AKT3: variants seen among roughly 807,000 people sequenced by gnomAD.
The protein encoded by AKT3 is RAC-gamma serine/threonine-protein kinase.
In AKT3, 15 loss-of-function variants were observed where a neutral mutation model predicts 65.3. The observed-to-expected ratio is 0.23, with a 90% CI of 0.15 to 0.35. The LOEUF (loss-of-function observed/expected upper bound fraction) is 0.35. Among genes scored for constraint, AKT3 ranks in the 10% least tolerant of loss-of-function variants. AKT3 has a pLI of 1.00. For synonymous variants in AKT3, 206 were observed against 183.8 expected (o/e 1.12, Z -0.98); for missense variants, 243 against 576.5 (o/e 0.42, Z 5.92).
intron 2 of AKT3, among the ~76,000 whole-genome samples, chr1:243,804,523 A>AAT (rs1314165621): frequency 6.6e-6 from 1 of 152,208 alleles, no homozygotes; most frequent in Non-Finnish European, 1.5e-5. Context: ...GAGAACACTT[A>AAT]ATATCCACTA....
chr1:243,800,731 AAG>A (rs1491198611), intron 2 of AKT3, among the ~76,000 whole-genome samples: 1 of 152,100 alleles, frequency 6.6e-6, no homozygotes, highest in Admixed American at 6.6e-5. Context: ...AAAAAAAAAA[AAG>A]AGAGATTATG....
chr1:243,682,385 A>G (rs1469472910), intron 3 of AKT3, among the ~76,000 whole-genome samples: 1 of 152,176 alleles, frequency 6.6e-6, no homozygotes, highest in Non-Finnish European at 1.5e-5. Context: ...TTTAGCTTAA[A>G]TTTTAAAAAC....
chr1:243,541,776 A>G (rs1382024679), intron 12 of AKT3, among the ~76,000 whole-genome samples: 9 of 152,184 alleles, frequency 5.9e-5, no homozygotes, highest in African/African-American at 2.2e-4. Context: ...TTTACAGAAG[A>G]TATGATTGTC....
intron 2 of AKT3, among the ~76,000 whole-genome samples, chr1:243,729,435 A>C (rs1269193637): frequency 6.6e-6 from 1 of 152,236 alleles, no homozygotes; most frequent in Non-Finnish European, 1.5e-5. Flanking sequence ...AGTTTAAAGC[A>C]TGAGAATATG....
chr1:243,670,942 A>T (rs1572143110), intron 3 of AKT3, among the ~76,000 whole-genome samples: 1 of 152,210 alleles, frequency 6.6e-6, no homozygotes, highest in African/African-American at 2.4e-5. Flanking sequence ...CAAAAAAAAA[A>T]TTTTTAGAGA....
intron 2 of AKT3, among the ~76,000 whole-genome samples, chr1:243,819,937 G>C (rs548106171): frequency 6.7e-6 from 1 of 149,690 alleles, no homozygotes; most frequent in East Asian, 2.0e-4. Context: ...GTTTTGTTTT[G>C]AGATGGGGTC....
chr1:243,626,463 T>C (rs1051712240), intron 6 of AKT3, among the ~76,000 whole-genome samples: 4 of 152,160 alleles, frequency 2.6e-5, no homozygotes, highest in Admixed American at 2.6e-4. Context: ...TTTCAAAGAA[T>C]GCACCAAGCT....
At chr1:243,685,757 G>T (rs1432826291) in intron 3 of AKT3, among the ~76,000 whole-genome samples, 2 of 152,114 alleles carry the variant, frequency 1.3e-5, no homozygotes, top group African/African-American at 4.8e-5. Flanking sequence ...TCTGGCTAGG[G>T]AAATCAGGCA....
At chr1:243,520,388 G>T (rs1480154189) in intron 12 of AKT3, among the ~76,000 whole-genome samples, 1 of 152,180 alleles carries the variant, frequency 6.6e-6, no homozygotes, top group Non-Finnish European at 1.5e-5. Context: ...AATTTCTGTT[G>T]TTTAAACCAC....
chr1:243,573,245 C>T (rs912487189), intron 8 of AKT3, among the ~76,000 whole-genome samples, 197 bp from the exon 9 acceptor site: 3 of 152,070 alleles, frequency 2.0e-5, no homozygotes, highest in Non-Finnish European at 4.4e-5. Context: ...GTTAAATCAG[C>T]GTTTTAATCA....
chr1:243,604,565 T>C (rs1345738583), intron 8 of AKT3, among the ~76,000 whole-genome samples: 2 of 152,196 alleles, frequency 1.3e-5, no homozygotes, highest in Non-Finnish European at 2.9e-5. Flanking sequence ...CTTAGTGATA[T>C]AATGTATAGT....
chr1:243,770,498 C>T (rs1690111003), intron 2 of AKT3, among the ~76,000 whole-genome samples: 1 of 151,900 alleles, frequency 6.6e-6, no homozygotes, highest in Admixed American at 6.6e-5. Context: ...TAACATCCAC[C>T]AATGTGCCTG....
chr1:243,824,571 C>A (rs1041962280), intron 2 of AKT3, among the ~76,000 whole-genome samples: 8 of 151,854 alleles, frequency 5.3e-5, no homozygotes, highest in Non-Finnish European at 7.4e-5. Context: ...ACAAAAAAAA[C>A]TTCATTCGAA....
intron 9 of AKT3, among the ~76,000 whole-genome samples, chr1:243,566,681 C>T (rs535417323): frequency 2.6e-5 from 4 of 152,132 alleles, no homozygotes; most frequent in African/African-American, 4.8e-5. Flanking sequence ...TTAATTTCTA[C>T]GTGCTTCAAT....
In AKT3 at chr1:243,742,707, A is replaced by T. The variant is rs771667415; in HGVS notation, c.47-46991T>A. 1.3e-3 allele frequency among the ~76,000 whole-genome samples: 200 copies of T among 152,300 alleles called. 2 individuals are homozygous for T. The highest frequency in any genetic ancestry group is 2.0e-3 in the Non-Finnish European group (136 of 68,018). ...TTTCTTCTCATTTGGTAGAATGATA[A>T]AACAAACGTTTGTCCTTTTTCATTT... On this transcript the variant is annotated intron_variant, in intron 2 of 13. Coordinates refer to ENST00000673466, the MANE Select transcript of AKT3 (RefSeq NM_005465.7).
intron 2 of AKT3, among the ~76,000 whole-genome samples, chr1:243,714,818 C>G (rs1686401973): frequency 6.6e-6 from 1 of 152,028 alleles, no homozygotes; most frequent in Admixed American, 6.5e-5. Context: ...CACTGGTTAT[C>G]ATGGCACAAT....
At position 243,512,390 on chromosome 1, in the gene AKT3, T is replaced by C; in HGVS notation, c.1288A>G (p.Thr430Ala). The change falls in exon 13 of 14, where the codon ACA (threonine) becomes GCA (alanine). Residue 430 changes from threonine (T) to alanine (A), a missense_variant. By Grantham distance (58) the Thr-to-Ala change is moderately conservative (BLOSUM62 0). Around this residue, in one of 6 missense-constraint regions of AKT3, gnomAD observed 57 missense variants for 107.6 expected, o/e 0.53. Coordinates refer to ENST00000673466, the MANE Select transcript of AKT3 (RefSeq NM_005465.7). Reference protein sequence around the residue: ...PPFKPQVTSETDTRYFDEEFT... With the variant: ...PPFKPQVTSEADTRYFDEEFT... Reference sequence around the variant, plus strand: ...TCTTCATCAAAATATCTAGTATCTGTCTCAGATGTTACTTGAGGTTTAAAA... The same window carrying C: ...TCTTCATCAAAATATCTAGTATCTGCCTCAGATGTTACTTGAGGTTTAAAA... The C allele has an allele frequency of 6.3e-7, 1 of 1,591,298 alleles. No homozygotes were observed. The highest frequency in any genetic ancestry group is 1.1e-5 in the South Asian group (1 of 88,062).
intron 6 of AKT3, among the ~76,000 whole-genome samples, chr1:243,619,127 T>C (rs565804558): frequency 9.9e-5 from 15 of 152,196 alleles, no homozygotes; most frequent in African/African-American, 3.4e-4. Flanking sequence ...TCTAAACCAT[T>C]TCCTCCATCC....
At chr1:243,691,005 C>A (rs1684653877) in intron 3 of AKT3, among the ~76,000 whole-genome samples, 1 of 152,096 alleles carries the variant, frequency 6.6e-6, no homozygotes, top group Non-Finnish European at 1.5e-5. Flanking sequence ...GTGAATGAGA[C>A]ATGCACAGGA....
Sources: gnomAD v4.1 joint callset for allele counts (sites outside exome capture counted in the v4.1 genomes callset) on GRCh38, gnomAD v4.1.1 for gene constraint, gnomAD v4.1.1 regional missense constraint, MANE v1.5 for transcripts, NCBI Gene and HGNC (gene_info 2026-07-23, HGNC 2026-07-21) for gene names.